The following USP46 variants were observed in gnomAD, a reference collection of about 807,000 sequenced individuals.
USP46 encodes ubiquitin carboxyl-terminal hydrolase 46.
In USP46, 12 loss-of-function variants were observed where a neutral mutation model predicts 44.4. The ratio of observed to expected loss-of-function variants is 0.27; its 90% CI spans 0.17 to 0.44. The LOEUF is 0.44. Among genes scored for constraint, USP46 ranks in the 20% least tolerant of loss-of-function variants. The probability of loss-of-function intolerance (pLI) is 1.00; values close to 1 mark genes in which losing one functional copy is unlikely to be tolerated. For synonymous variants in USP46, 155 were observed against 161.5 expected, an observed-to-expected ratio of 0.96 and a Z score of 0.31; for missense variants, 248 against 444.8, an observed-to-expected ratio of 0.56 and a Z score of 3.98.
At chr4:52,640,475 T>G (rs1718291716) in intron 1 of USP46, among the ~76,000 whole-genome samples, 1 of 152,162 alleles carries the variant, frequency 6.6e-6, no homozygotes, top group African/African-American at 2.4e-5. Context: ...ATTATCTTCT[T>G]AACTCTTCAA....
In USP46 at chr4:52,594,028, T is replaced by G. The variant is rs929801690; in HGVS notation, c.*3612A>C. The G allele has an allele frequency of 1.3e-5, 2 of 152,196 alleles. No individual in the cohort carries two copies. The highest frequency in any genetic ancestry group is 4.8e-5 in the African/African-American group (2 of 41,462). The allele number at this position is 152,196 out of a possible 1,614,324, so 9.4% of individuals were successfully genotyped here. A position where few individuals can be genotyped will look rare whatever the true frequency, so the allele number is the denominator to read the frequency against. On this transcript the variant is annotated 3_prime_UTR_variant, in exon 9 of 9. Coordinates refer to ENST00000441222, the MANE Select transcript of USP46 (RefSeq NM_022832.4). ...ATACTGCCTTTATATATTATAATGATCAGAATGTTCTGTACATTTCCACTG... is the reference window on the plus strand; with the variant it reads ...ATACTGCCTTTATATATTATAATGAGCAGAATGTTCTGTACATTTCCACTG...
At position 52,596,391 on chromosome 4, in the gene USP46, T is replaced by C. The variant is rs1329594850; in HGVS notation, c.*1249A>G. 1 of 152,440 alleles carries C rather than the reference T, an allele frequency of 6.6e-6. No individual in the cohort carries two copies. Among genetic ancestry groups the C allele is most frequent in the East Asian group, 1.9e-4 (1 of 5,198 alleles). The allele number at this position is 152,440 out of a possible 1,614,324, so 9.4% of individuals were successfully genotyped here. A position where few individuals can be genotyped will look rare whatever the true frequency, so the allele number is the denominator to read the frequency against. On this transcript the variant is annotated 3_prime_UTR_variant, in exon 9 of 9. Transcript: ENST00000441222. ...TTTAAAGGTACCAATATTCAAATGC[T>C]CTAATAAATACATATATAACAAAAG...
chr4:52,636,704 TCAAAAAAAAA>T (rs1718130743), intron 1 of USP46, among the ~76,000 whole-genome samples: 1 of 60,914 alleles, frequency 1.6e-5, no homozygotes, highest in African/African-American at 7.1e-5. Flanking sequence ...AGACTCTGTC[TCAAAAAAAAA>T]AAAAAAAAAA....
intron 4 of USP46, among the ~76,000 whole-genome samples, chr4:52,614,728 A>G (rs918751322): frequency 6.6e-6 from 1 of 152,214 alleles, no homozygotes; most frequent in Non-Finnish European, 1.5e-5. Flanking sequence ...ATTTGTGCAA[A>G]TACAAAATAC....
intron 1 of USP46, among the ~76,000 whole-genome samples, chr4:52,648,671 C>T (rs530653303): frequency 2.0e-5 from 3 of 152,252 alleles, no homozygotes; most frequent in Non-Finnish European, 4.4e-5. Flanking sequence ...AATATGCATT[C>T]GTTCTGAATG....
intron 1 of USP46, among the ~76,000 whole-genome samples, chr4:52,639,856 C>T (rs1007700941): frequency 6.8e-6 from 1 of 147,848 alleles, no homozygotes; most frequent in Non-Finnish European, 1.5e-5. Context: ...GCTACCATGC[C>T]TGGGTTTTTT....
intron 5 of USP46, among the ~76,000 whole-genome samples, chr4:52,607,295 G>A (rs776096436): frequency 6.6e-6 from 1 of 152,162 alleles, no homozygotes; most frequent in African/African-American, 2.4e-5. Flanking sequence ...TTAGGAGAAG[G>A]CGAGGACCCC....
chr4:52,635,080 CTTTT>C (rs74931782), intron 1 of USP46, among the ~76,000 whole-genome samples: 13 of 135,398 alleles, frequency 9.6e-5, no homozygotes, highest in South Asian at 4.8e-4. Context: ...TCTACTTCTT[CTTTT>C]TTTTTTTTTT....
At chr4:52,640,116 T>C (rs1310651136) in intron 1 of USP46, among the ~76,000 whole-genome samples, 1 of 152,086 alleles carries the variant, frequency 6.6e-6, no homozygotes, top group East Asian at 1.9e-4. Context: ...TAGTAATTCA[T>C]ATGATGGAAT....
intron 1 of USP46, among the ~76,000 whole-genome samples, chr4:52,637,496 A>G (rs1718160357): frequency 6.6e-6 from 1 of 152,180 alleles, no homozygotes; most frequent in South Asian, 2.1e-4. Flanking sequence ...CTCAGAAAAG[A>G]ACAATACCCT....
intron 1 of USP46, among the ~76,000 whole-genome samples, chr4:52,655,981 C>A (rs933592888): frequency 6.6e-6 from 1 of 152,250 alleles, no homozygotes; most frequent in African/African-American, 2.4e-5. Context: ...CTCAATCACA[C>A]GAAGTATCTG....
chr4:52,630,167 G>A (rs545209860), intron 2 of USP46, among the ~76,000 whole-genome samples: 2 of 152,172 alleles, frequency 1.3e-5, no homozygotes, highest in Admixed American at 6.5e-5. Flanking sequence ...CGCCTCTACC[G>A]TGTTACTACT....
At chr4:52,655,613 A>G (rs751493190) in intron 1 of USP46, among the ~76,000 whole-genome samples, 29 of 152,250 alleles carry the variant, frequency 1.9e-4, no homozygotes, top group Non-Finnish European at 3.5e-4. Context: ...ATAGGAAGTT[A>G]AATCCATTGG....
chr4:52,606,006 T>C (rs1003191317), intron 5 of USP46, among the ~76,000 whole-genome samples: 24 of 152,348 alleles, frequency 1.6e-4, no homozygotes, highest in Admixed American at 1.3e-3. Flanking sequence ...CCAGCCCCTA[T>C]CACATTGCCG....
chr4:52,617,709 G>A (rs1211242639), intron 4 of USP46, among the ~76,000 whole-genome samples: 4 of 152,084 alleles, frequency 2.6e-5, no homozygotes, highest in South Asian at 2.1e-4. Context: ...TGGTTTGGGG[G>A]TTCTGTGGGG....
chr4:52,621,906 T>C (rs1034972255), intron 4 of USP46, among the ~76,000 whole-genome samples: 2 of 152,166 alleles, frequency 1.3e-5, no homozygotes, highest in Non-Finnish European at 2.9e-5. Context: ...ATTCCTACAA[T>C]GGTATACTAC....
In USP46 at chr4:52,626,038, G is replaced by A. The variant is rs1560401901; in HGVS notation, c.541C>T (p.Arg181Ter). Residue 181 changes from arginine (R) to a stop codon, truncating the protein, a stop_gained, in exon 4 of 9, where the codon CGA (arginine) becomes TGA (stop). Coordinates refer to ENST00000441222, the MANE Select transcript of USP46 (RefSeq NM_022832.4). LOFTEE classifies it high-confidence loss of function. ...IFQGTLTNET[R>*]CLNCETVSSK... ...CTTACAGTTTCACAGTTCAAGCATC[G>A]AGTTTCATTGGTAAGCGTTCCCTGA... 1 of 1,613,594 alleles carries A rather than the reference G, an allele frequency of 6.2e-7. No homozygotes were observed. Among genetic ancestry groups the A allele is most frequent in the African/African-American group, 1.3e-5 (1 of 74,866 alleles).
At chr4:52,635,410 C>A (rs1345801966) in intron 1 of USP46, among the ~76,000 whole-genome samples, 2 of 152,198 alleles carry the variant, frequency 1.3e-5, no homozygotes, top group Non-Finnish European at 2.9e-5. Flanking sequence ...GCCCCCATTT[C>A]AAGTGGCCCA....
chr4:52,651,869 C>T (rs916571477), intron 1 of USP46, among the ~76,000 whole-genome samples: 3 of 152,190 alleles, frequency 2.0e-5, no homozygotes, highest in African/African-American at 7.2e-5. Context: ...AAGGTATCTT[C>T]TCAGTGCTAC....
Sources: allele counts gnomAD v4.1 joint callset (sites outside exome capture counted in the v4.1 genomes callset), GRCh38; gene constraint gnomAD v4.1.1; transcripts MANE v1.5; gene names NCBI Gene and HGNC (gene_info 2026-07-23, HGNC 2026-07-21).